The following DCDC1 variants were observed in gnomAD, a reference collection of about 807,000 sequenced individuals.
The protein encoded by DCDC1 is doublecortin domain containing 1, also known as doublecortin domain-containing protein 1.
DCDC1 carries 200 observed loss-of-function variants against 178.3 expected under a neutral mutation model. The observed-to-expected ratio is 1.12, with a 90% CI of 1.00 to 1.26. DCDC1 has a LOEUF of 1.26. Ranked by LOEUF, DCDC1 falls within the 50% of genes most tolerant of loss-of-function variation. The probability of loss-of-function intolerance (pLI) is 0.00; values close to 1 mark genes in which losing one functional copy is unlikely to be tolerated. For missense variants in DCDC1, 1,983 were observed against 1,749.2 expected (o/e 1.13, Z -2.38); for synonymous variants, 690 against 604.8 (o/e 1.14, Z -2.07).
chr11:31,309,417 A>C (rs1313274819), intron 3 of DCDC1, among the ~76,000 whole-genome samples: 1 of 152,144 alleles, frequency 6.6e-6, no homozygotes, highest in Non-Finnish European at 1.5e-5. Context: ...AGACCACCTA[A>C]GCCACTCAGA....
chr11:31,142,328 G>A (rs538630010), intron 9 of DCDC1, among the ~76,000 whole-genome samples: 69 of 152,262 alleles, frequency 4.5e-4, no homozygotes, highest in African/African-American at 1.6e-3. Context: ...CCACAAAAAT[G>A]AATCCAAAAT....
chr11:30,864,324 T>C lies in DCDC1; in HGVS notation c.*1049A>G, dbSNP rs1940824353. 1 of 152,256 alleles carries C rather than the reference T, an allele frequency of 6.6e-6. No individual in the cohort carries two copies. Among genetic ancestry groups the C allele is most frequent in the Non-Finnish European group, 1.5e-5 (1 of 68,052 alleles). The allele number at this position is 152,256 out of a possible 1,614,324, so 9.4% of individuals were successfully genotyped here. A position where few individuals can be genotyped will look rare whatever the true frequency, so the allele number is the denominator to read the frequency against. Reference sequence around the variant, plus strand: ...AAACTTGGGATTTGAAACCAATATGTATAATCATCAAAGATATATTTTAAG... The same window carrying C: ...AAACTTGGGATTTGAAACCAATATGCATAATCATCAAAGATATATTTTAAG... On this transcript the variant is annotated 3_prime_UTR_variant, in exon 39 of 39. Transcript: ENST00000684477.
intron 11 of DCDC1, among the ~76,000 whole-genome samples, chr11:31,115,982 G>GGA (rs1959862453): frequency 3.3e-5 from 1 of 30,232 alleles, no homozygotes; most frequent in African/African-American, 1.7e-4. Flanking sequence ...CTGTGGCAGT[G>GGA]GGGGGGGGGG....
chr11:30,913,468 CT>C (rs1281290691), intron 27 of DCDC1, among the ~76,000 whole-genome samples: 5 of 152,106 alleles, frequency 3.3e-5, no homozygotes, highest in Non-Finnish European at 7.3e-5. Context: ...TAGAGGGGGA[CT>C]TGTGCTTATC....
chr11:30,976,975 T>C (rs1950138231), intron 20 of DCDC1, among the ~76,000 whole-genome samples: 1 of 152,160 alleles, frequency 6.6e-6, no homozygotes, highest in Non-Finnish European at 1.5e-5. Flanking sequence ...ATGTGGAGTA[T>C]ATATAAAATG....
intron 20 of DCDC1, among the ~76,000 whole-genome samples, chr11:30,994,081 T>C (rs571020220): frequency 6.6e-6 from 1 of 151,950 alleles, no homozygotes; most frequent in South Asian, 2.1e-4. Flanking sequence ...TCCAGCAATA[T>C]AAAAAAGGAA....
chr11:31,062,202 C>T (rs777768070), intron 20 of DCDC1, among the ~76,000 whole-genome samples: 2 of 152,040 alleles, frequency 1.3e-5, no homozygotes, highest in Non-Finnish European at 2.9e-5. Context: ...AGGATGAAAA[C>T]CCAGGATAAT....
intron 20 of DCDC1, among the ~76,000 whole-genome samples, chr11:30,989,797 C>G (rs1357487669): frequency 6.6e-6 from 1 of 152,056 alleles, no homozygotes; most frequent in Non-Finnish European, 1.5e-5. Context: ...AAGATGAATG[C>G]TGTGGGATGC....
At chr11:31,161,807 A>T (rs1409866206) in intron 9 of DCDC1, among the ~76,000 whole-genome samples, 2 of 152,238 alleles carry the variant, frequency 1.3e-5, no homozygotes, top group African/African-American at 2.4e-5. Flanking sequence ...GTTGGCAAAC[A>T]TCTTCAGTAC....
chr11:31,197,316 T>A (rs1454462978), intron 9 of DCDC1, among the ~76,000 whole-genome samples: 2 of 152,108 alleles, frequency 1.3e-5, no homozygotes, highest in Non-Finnish European at 2.9e-5. Flanking sequence ...AAAGTGTTCA[T>A]TATTTCTTTG....
intron 8 of DCDC1, among the ~76,000 whole-genome samples, 179 bp downstream of exon 8, chr11:31,265,328 A>G (rs1400071346): frequency 6.6e-6 from 1 of 152,130 alleles, no homozygotes; most frequent in African/African-American, 2.4e-5. Context: ...GTGTTGAAAT[A>G]AAAGATTCCT....
At chr11:30,934,611 T>C (rs1200338167) in intron 21 of DCDC1, among the ~76,000 whole-genome samples, 1 of 152,184 alleles carries the variant, frequency 6.6e-6, no homozygotes, top group Non-Finnish European at 1.5e-5. Flanking sequence ...ATCCGACCTC[T>C]GCAACGTGGG....
intron 1 of DCDC1, among the ~76,000 whole-genome samples, chr11:31,356,997 C>A (rs1370425789): frequency 6.6e-6 from 1 of 151,490 alleles, no homozygotes; most frequent in East Asian, 1.9e-4. Flanking sequence ...CAGCCGAATT[C>A]TACCAGAGGT....
intron 34 of DCDC1, among the ~76,000 whole-genome samples, chr11:30,897,508 G>T (rs187865871): frequency 6.7e-6 from 1 of 150,172 alleles, no homozygotes; most frequent in Admixed American, 6.7e-5. Flanking sequence ...GCGTGAACCC[G>T]GGAGGCGGAG....
Position 30,872,617 on chromosome 11 carries a change from T to C in DCDC1, c.*40+5927A>G, listed in dbSNP as rs1288489912. ...AGCTTGAGCATGCCACGCTCTTTCCTGATTCTCACCTCTGCCTGGTACTCC... is the reference window on the plus strand; with the variant it reads ...AGCTTGAGCATGCCACGCTCTTTCCCGATTCTCACCTCTGCCTGGTACTCC... On this transcript the variant is annotated intron_variant, in intron 38 of 38. Transcript: ENST00000684477. Among the ~76,000 whole-genome samples the C allele has an allele frequency of 4.6e-5, 7 of 152,142 alleles. No homozygotes were observed. The South Asian group carries it at 8.3e-4, about 18-fold the overall frequency.
chr11:30,928,212 A>G (rs531106680), intron 22 of DCDC1, among the ~76,000 whole-genome samples: 5 of 152,136 alleles, frequency 3.3e-5, no homozygotes, highest in Non-Finnish European at 7.4e-5. Flanking sequence ...CTTCTCCTCT[A>G]TGTAGTCTCT....
At chr11:31,074,045 T>G (rs191556144) in intron 18 of DCDC1, among the ~76,000 whole-genome samples, 8 of 152,176 alleles carry the variant, frequency 5.3e-5, no homozygotes, top group African/African-American at 7.2e-5. Context: ...AAGTTGAACA[T>G]AAACAATTAG....
At chr11:30,872,615 C>T (rs1941690192) in intron 38 of DCDC1, among the ~76,000 whole-genome samples, 1 of 152,106 alleles carries the variant, frequency 6.6e-6, no homozygotes, top group Admixed American at 6.6e-5. Context: ...CACGCTCTTT[C>T]CTGATTCTCA....
intron 20 of DCDC1, among the ~76,000 whole-genome samples, chr11:31,035,654 T>C (rs1226002689): frequency 6.6e-6 from 1 of 152,244 alleles, no homozygotes; most frequent in Non-Finnish European, 1.5e-5. Context: ...GCCATGTTTC[T>C]CCACTGTAAA....
Sources: gnomAD v4.1 joint callset for allele counts (sites outside exome capture counted in the v4.1 genomes callset) on GRCh38, gnomAD v4.1.1 for gene constraint, MANE v1.5 for transcripts, NCBI Gene and HGNC (gene_info 2026-07-23, HGNC 2026-07-21) for gene names.